The following NPAS3 variants were observed in gnomAD, a reference collection of about 807,000 sequenced individuals.
NPAS3 encodes neuronal PAS domain-containing protein 3.
A neutral mutation model predicts 73.1 loss-of-function variants in NPAS3; 14 were observed. The ratio of observed to expected loss-of-function variants is 0.19; its 90% CI spans 0.13 to 0.30. The LOEUF (loss-of-function observed/expected upper bound fraction) is 0.30, where lower values mean the gene tolerates loss of function less well. Ranked by LOEUF, NPAS3 falls within the 10% of genes least tolerant of loss-of-function variation. The probability of loss-of-function intolerance (pLI) is 1.00; values close to 1 mark genes in which losing one functional copy is unlikely to be tolerated. For missense variants in NPAS3, 1,096 were observed against 1,250.0 expected, an observed-to-expected ratio of 0.88 and a Z score of 1.86; for synonymous variants, 620 against 541.5, an observed-to-expected ratio of 1.14 and a Z score of -2.01.
intron 1 of NPAS3, among the ~76,000 whole-genome samples, chr14:33,046,482 G>A (rs2040510026): frequency 6.6e-6 from 1 of 152,124 alleles, no homozygotes; most frequent in Non-Finnish European, 1.5e-5. Context: ...ATCCAGAAGA[G>A]GTAACCTACC....
At chr14:33,409,022 C>T (rs1338674559) in intron 4 of NPAS3, among the ~76,000 whole-genome samples, 1 of 152,184 alleles carries the variant, frequency 6.6e-6, no homozygotes, top group African/African-American at 2.4e-5. Flanking sequence ...AAGTATAACA[C>T]TTCTCCTCCC....
At chr14:33,524,237 C>G (rs1245615211) in intron 4 of NPAS3, among the ~76,000 whole-genome samples, 1 of 152,116 alleles carries the variant, frequency 6.6e-6, no homozygotes, top group Admixed American at 6.6e-5. Context: ...CTTCATAATA[C>G]TTAAGTCTTA....
intron 4 of NPAS3, among the ~76,000 whole-genome samples, chr14:33,401,366 C>T (rs2047438285): frequency 1.3e-5 from 2 of 152,124 alleles, no homozygotes. Flanking sequence ...GGAAGCTTTC[C>T]ATATAGCCAT....
At chr14:33,465,878 C>T (rs142628352) in intron 4 of NPAS3, among the ~76,000 whole-genome samples, 2 of 151,898 alleles carry the variant, frequency 1.3e-5, no homozygotes, top group African/African-American at 2.4e-5. Context: ...TGGAATCACA[C>T]GAGATCCAAC....
intron 5 of NPAS3, among the ~76,000 whole-genome samples, chr14:33,663,461 G>A (rs1277955205): frequency 7.9e-5 from 12 of 152,134 alleles, no homozygotes; most frequent in Admixed American, 1.3e-4. Flanking sequence ...TGCTGGATTC[G>A]GTTTGCCAGT....
At chr14:33,547,198 AG>A (rs34169988) in intron 4 of NPAS3, among the ~76,000 whole-genome samples, 4 of 152,192 alleles carry the variant, frequency 2.6e-5, no homozygotes, top group Admixed American at 6.5e-5. Flanking sequence ...TCAGTCCTTT[AG>A]GGGAAGTCAC....
intron 3 of NPAS3, among the ~76,000 whole-genome samples, chr14:33,298,122 A>T (rs905502984): frequency 5.9e-5 from 9 of 152,172 alleles, no homozygotes; most frequent in African/African-American, 2.2e-4. Flanking sequence ...TCTCTACTAA[A>T]GATACAAAAA....
At chr14:33,305,666 G>A (rs1269010093) in intron 3 of NPAS3, among the ~76,000 whole-genome samples, 1 of 152,030 alleles carries the variant, frequency 6.6e-6, no homozygotes, top group Non-Finnish European at 1.5e-5. Flanking sequence ...CCAGGTTTTT[G>A]TAGCCTTCTA....
At position 33,769,260 on chromosome 14, in the gene NPAS3, A is replaced by G. The variant is rs142649479; in HGVS notation, c.853-5077A>G. On this transcript the variant is annotated intron_variant, in intron 7 of 11. Coordinates refer to ENST00000356141, the Ensembl canonical transcript of NPAS3. ...ACCTTCCAGAACTATACCTTCAACT[A>G]TCATCACTTAAGTGCCTAACTCTTA... Among the ~76,000 whole-genome samples, 134 of 152,322 alleles carry G rather than the reference A, an allele frequency of 8.8e-4. 1 individual carries two copies. The highest frequency in any genetic ancestry group is 3.9e-3 in the East Asian group (20 of 5,188).
rs1268304341 is a variant in NPAS3 at position 33,396,031 on chromosome 14, TAG to T, written c.468+28764_468+28765del. On this transcript the variant is annotated intron_variant, in intron 4 of 11. Coordinates refer to ENST00000356141, the Ensembl canonical transcript of NPAS3. ...CCATTCCCTCCAGCCCCACCCAAAG[TAG>T]TCAGGACATCCAATTAACCTTTGAC... 4.6e-5 allele frequency among the ~76,000 whole-genome samples: 7 copies of T among 152,150 alleles called. 1 individual carries two copies. The highest frequency in any genetic ancestry group is 1.5e-5 in the Non-Finnish European group (1 of 68,006).
intron 4 of NPAS3, among the ~76,000 whole-genome samples, chr14:33,457,053 C>T (rs1209108470): frequency 6.6e-6 from 1 of 152,174 alleles, no homozygotes; most frequent in Non-Finnish European, 1.5e-5. Context: ...CCTTCCCTGG[C>T]TGTGTCATAT....
rs1029732193 is a variant in NPAS3 at position 33,556,134 on chromosome 14, G to C, written c.469-3987G>C. ...TCGCTACTGCTTAATAGCATCAGATGTTTAGCCTCCAGATATTCTTTTACC... is the reference window on the plus strand; with the variant it reads ...TCGCTACTGCTTAATAGCATCAGATCTTTAGCCTCCAGATATTCTTTTACC... On this transcript the variant is annotated intron_variant, in intron 4 of 11. Transcript: ENST00000356141. Among the ~76,000 whole-genome samples the C allele has an allele frequency of 3.9e-5, 6 of 152,164 alleles. No individual in the cohort carries two copies. The East Asian group carries it at 1.2e-3, about 29-fold the overall frequency.
At chr14:32,960,740 C>G (rs558261397) in intron 1 of NPAS3, among the ~76,000 whole-genome samples, 4 of 152,208 alleles carry the variant, frequency 2.6e-5, no homozygotes, top group African/African-American at 9.6e-5. Context: ...TACTTATGTG[C>G]TTGATGTGGA....
intron 6 of NPAS3, among the ~76,000 whole-genome samples, chr14:33,689,539 A>G (rs2140400830): frequency 6.6e-6 from 1 of 152,260 alleles, no homozygotes; most frequent in Non-Finnish European, 1.5e-5. Context: ...CAGTTACCTC[A>G]CTTAAAGGGT....
At chr14:33,364,087 A>G (rs746652231) in intron 3 of NPAS3, among the ~76,000 whole-genome samples, 8 of 152,204 alleles carry the variant, frequency 5.3e-5, no homozygotes, top group African/African-American at 1.9e-4. Context: ...GTAAGTATAC[A>G]GTGTGTCTGG....
At chr14:33,272,113 T>C (rs1016212424) in intron 3 of NPAS3, among the ~76,000 whole-genome samples, 2 of 152,218 alleles carry the variant, frequency 1.3e-5, no homozygotes, top group East Asian at 1.9e-4. Context: ...GTAATCTTTT[T>C]TCTCCTGCCA....
intron 7 of NPAS3, among the ~76,000 whole-genome samples, chr14:33,765,605 C>T (rs1431755620): frequency 6.6e-6 from 1 of 152,182 alleles, no homozygotes; most frequent in Non-Finnish European, 1.5e-5. Flanking sequence ...TGCACTGATC[C>T]TCCATTTTCA....
chr14:33,193,443 T>C (rs2046241425), intron 2 of NPAS3, among the ~76,000 whole-genome samples: 1 of 151,990 alleles, frequency 6.6e-6, no homozygotes. Flanking sequence ...ACAAAACAAG[T>C]ATCTACACTT....
At chr14:32,997,046 C>A (rs752283343) in intron 1 of NPAS3, among the ~76,000 whole-genome samples, 2 of 152,162 alleles carry the variant, frequency 1.3e-5, no homozygotes, top group Non-Finnish European at 2.9e-5. Context: ...ACCATGGGAA[C>A]CCACCTCATG....
Sources: gnomAD v4.1 joint callset for allele counts (sites outside exome capture counted in the v4.1 genomes callset) on GRCh38, gnomAD v4.1.1 for gene constraint, MANE v1.5 for transcripts, NCBI Gene and HGNC (gene_info 2026-07-23, HGNC 2026-07-21) for gene names.